RTN4: variants seen among roughly 807,000 people sequenced by gnomAD.
RTN4 encodes the protein reticulon 4.
A neutral mutation model predicts 90.4 loss-of-function variants in RTN4; 32 were observed. The observed-to-expected ratio is 0.35, with a 90% confidence interval of 0.27 to 0.48. The LOEUF (loss-of-function observed/expected upper bound fraction) is 0.48, where lower values mean the gene tolerates loss of function less well. Among genes scored for constraint, RTN4 ranks in the 20% least tolerant of loss-of-function variants. The pLI, the probability that RTN4 is intolerant of heterozygous loss-of-function variation, is 0.99. For synonymous variants in RTN4, 629 were observed against 552.5 expected, an observed-to-expected ratio of 1.14 and a Z score of -1.94; for missense variants, 1,706 against 1,430.2, an observed-to-expected ratio of 1.19 and a Z score of -3.11.
At chr2:55,021,658 A>G (rs1214515788) in intron 3 of RTN4, among the ~76,000 whole-genome samples, 2 of 152,138 alleles carry the variant, frequency 1.3e-5, no homozygotes, top group Non-Finnish European at 2.9e-5. Context: ...CCTGTTATAT[A>G]ATCAAGTCAA....
intron 2 of RTN4, among the ~76,000 whole-genome samples, chr2:55,070,542 T>A: frequency 1.3e-5 from 1 of 78,898 alleles, no homozygotes; most frequent in African/African-American, 6.3e-5. Context: ...CAAGACTCTG[T>A]CTCAAAAAAA....
At chr2:54,981,817 A>ATATGAGTCACATACAAGCTAAGAAAC (rs70944201) in intron 5 of RTN4, among the ~76,000 whole-genome samples, 1 of 151,750 alleles carries the variant, frequency 6.6e-6, no homozygotes, top group African/African-American at 2.4e-5. Flanking sequence ...TTTCATGTAC[A>ATATGAGTCACATACAAGCTAAGAAAC]TAAGTGCTAG....
upstream of RTN4, among the ~76,000 whole-genome samples, chr2:55,115,569 A>T (rs1444726951): frequency 6.6e-6 from 1 of 152,236 alleles, no homozygotes; most frequent in Non-Finnish European, 1.5e-5. Flanking sequence ...CATCCTTATC[A>T]CAAAATCATG....
upstream of RTN4, among the ~76,000 whole-genome samples, chr2:55,053,674 G>T (rs373314009): frequency 3.6e-5 from 5 of 139,306 alleles, no homozygotes; most frequent in East Asian, 1.1e-3. Flanking sequence ...TGAAAAGAGC[G>T]AAACTCCATC....
chr2:55,028,166 G>A lies in RTN4; in HGVS notation c.611C>T (p.Ala204Val). ...AAAGGCTGGCAGAAAGAACTTGCCT[G>A]CAGAGGAGCGTATCACAGGCTCAGA... The part of the protein sequence containing the change: ...AASEPVIRSS[A>V]ENMDLKEQPG... The change falls in exon 2 of 9, where the codon GCA (alanine) becomes GTA (valine). Residue 204 changes from alanine (A) to valine (V), a missense_variant and splice_region_variant. Physicochemically the swap from Ala to Val is moderately conservative, Grantham distance 64 (BLOSUM62 0). Transcript: ENST00000337526. 1 of 1,612,290 alleles carries A rather than the reference G, an allele frequency of 6.2e-7. No homozygotes were observed. The highest frequency in any genetic ancestry group is 8.5e-7 in the Non-Finnish European group (1 of 1,179,126).
At chr2:55,037,908 C>G (rs1327116494) in intron 1 of RTN4, among the ~76,000 whole-genome samples, 1 of 152,046 alleles carries the variant, frequency 6.6e-6, no homozygotes. Flanking sequence ...TATAAAACTA[C>G]AATAATCAAG....
At chr2:55,112,813 TC>T (rs533390378), upstream of RTN4, among the ~76,000 whole-genome samples, 995 of 152,394 alleles carry the variant, frequency 6.5e-3, 9 homozygotes, top group Non-Finnish European at 8.0e-3. Flanking sequence ...CGCTATTTAT[TC>T]AGAGCTGCTC....
At position 55,022,929 on chromosome 2, in the gene RTN4, A is replaced by C. The variant is rs574180127; in HGVS notation, c.3013+2157T>G. 7.2e-4 allele frequency among the ~76,000 whole-genome samples: 108 copies of C among 149,970 alleles called. No individual in the cohort carries two copies. In the Middle Eastern group the frequency reaches 0.021, roughly 29 times the overall value. On this transcript the variant is annotated intron_variant, in intron 3 of 8. Transcript: ENST00000337526. The stretch of plus-strand genomic sequence containing the variant: ...CACACACACACACACACACACACAC[A>C]CCCTGCTCTCCCGCACATGCATTCT...
intron 4 of RTN4, among the ~76,000 whole-genome samples, chr2:54,984,925 G>A (rs1282045436): frequency 6.6e-6 from 1 of 152,146 alleles, no homozygotes; most frequent in East Asian, 1.9e-4. Context: ...GGGCGACACA[G>A]TGAGACCCAT....
chr2:55,108,454 T>C (rs1259880180), intron 1 of RTN4, among the ~76,000 whole-genome samples: 1 of 152,044 alleles, frequency 6.6e-6, no homozygotes, highest in African/African-American at 2.4e-5. Context: ...GGAATTCCAC[T>C]CAGGGTGAAT....
At chr2:55,079,687 A>G (rs1573503279) in intron 2 of RTN4, among the ~76,000 whole-genome samples, 1 of 152,210 alleles carries the variant, frequency 6.6e-6, no homozygotes, top group Non-Finnish European at 1.5e-5. Flanking sequence ...CTGATCAGAG[A>G]CCAGCAATTT....
chr2:55,076,386 GTTCTTT>G (rs1668599804), intron 2 of RTN4, among the ~76,000 whole-genome samples: 1 of 76,250 alleles, frequency 1.3e-5, no homozygotes, highest in African/African-American at 4.8e-5. Context: ...AATTTCTTTT[GTTCTTT>G]TTTTTTTTTT....
intron 3 of RTN4, among the ~76,000 whole-genome samples, chr2:55,012,609 T>C (rs1017159212): frequency 3.3e-5 from 5 of 152,160 alleles, no homozygotes; most frequent in Non-Finnish European, 7.4e-5. Context: ...CTACTAAAAA[T>C]AGAAGGCTTT....
At chr2:54,980,055 G>C (rs1677992410) in intron 5 of RTN4, among the ~76,000 whole-genome samples, 1 of 152,136 alleles carries the variant, frequency 6.6e-6, no homozygotes, top group South Asian at 2.1e-4. Context: ...GTCTCATCAT[G>C]TGTTACTTTC....
At chr2:55,079,127 T>C (rs1668656835) in intron 2 of RTN4, among the ~76,000 whole-genome samples, 1 of 152,114 alleles carries the variant, frequency 6.6e-6, no homozygotes. Flanking sequence ...AATCTAGGAT[T>C]TGGCAACTGA....
At chr2:55,103,946 C>T (rs1277539826) in intron 1 of RTN4, among the ~76,000 whole-genome samples, 1 of 152,064 alleles carries the variant, frequency 6.6e-6, no homozygotes, top group Non-Finnish European at 1.5e-5. Context: ...CCACCAACCT[C>T]GGCCTCCCGA....
upstream of RTN4, among the ~76,000 whole-genome samples, chr2:55,115,881 T>C (rs139139150): frequency 1.3e-5 from 2 of 152,312 alleles, no homozygotes; most frequent in Non-Finnish European, 2.9e-5. Flanking sequence ...GACCATTTTT[T>C]AACCCTTGAA....
At chr2:55,070,190 C>T (rs1372944174) in intron 2 of RTN4, among the ~76,000 whole-genome samples, 3 of 151,958 alleles carry the variant, frequency 2.0e-5, no homozygotes, top group Non-Finnish European at 2.9e-5. Context: ...GGATGTTTAG[C>T]GGGATCACCA....
Position 55,033,809 on chromosome 2 carries a change from T to G in RTN4, c.557-5589A>C, listed in dbSNP as rs532844388. Among the ~76,000 whole-genome samples, 385 of 152,366 alleles carry G rather than the reference T, an allele frequency of 2.5e-3. 4 individuals carry two copies. Among genetic ancestry groups the G allele is most frequent in the East Asian group, 7.7e-4 (4 of 5,196 alleles). The stretch of plus-strand genomic sequence containing the variant: ...TACATATGATATTTTGATACCTATA[T>G]GCAATGTGTAATGATCAAGTCAGAG... On this transcript the variant is annotated intron_variant, in intron 1 of 8. Transcript: ENST00000337526.
Sources: allele counts gnomAD v4.1 joint callset (sites outside exome capture counted in the v4.1 genomes callset), GRCh38; gene constraint gnomAD v4.1.1; transcripts MANE v1.5; gene names NCBI Gene and HGNC (gene_info 2026-07-23, HGNC 2026-07-21).